RPH3A: variants seen among roughly 807,000 people sequenced by gnomAD.
RPH3A encodes rabphilin 3A.
Under a neutral mutation model 102.2 loss-of-function variants are expected in RPH3A, and 48 were observed. That is an observed-to-expected ratio of 0.47 (90% CI 0.37 to 0.60). RPH3A has a LOEUF of 0.60. Among genes scored for constraint, RPH3A ranks in the 20% least tolerant of loss-of-function variants. RPH3A has a pLI of 0.00. For missense variants in RPH3A, 781 were observed against 910.1 expected (o/e 0.86, Z 1.83); for synonymous variants, 310 against 324.3 (o/e 0.96, Z 0.47).
intron 1 of RPH3A, among the ~76,000 whole-genome samples, chr12:112,635,771 C>T (rs1486512315): frequency 6.6e-6 from 1 of 152,022 alleles, no homozygotes; most frequent in East Asian, 1.9e-4. Flanking sequence ...AAAGTAAGGC[C>T]CATGAGGGAA....
Position 112,891,233 on chromosome 12 carries a change from C to G in RPH3A, c.1775+230C>G, listed in dbSNP as rs1759174442. The G allele has an allele frequency of 1.3e-5, 7 of 559,414 alleles. No homozygotes were observed. In the South Asian group the frequency reaches 1.5e-4, roughly 12 times the overall value. 34.7% of individuals were successfully genotyped at this position (559,414 alleles called of 1,614,324 possible). A position where few individuals can be genotyped will look rare whatever the true frequency, so the allele number is the denominator to read the frequency against. On this transcript the variant is annotated intron_variant, in intron 19 of 21. Transcript: ENST00000389385. ...TGCCCACAGGCAAAGCTCTGTGGCT[C>G]TGTCCTCTTGAGGGCCTGCTGATGG...
At chr12:112,639,678 A>T (rs771308266) in intron 1 of RPH3A, among the ~76,000 whole-genome samples, 2 of 152,158 alleles carry the variant, frequency 1.3e-5, no homozygotes, top group Admixed American at 6.5e-5. Flanking sequence ...CCCCACAAAG[A>T]TGCAGATATT....
intron 1 of RPH3A, among the ~76,000 whole-genome samples, chr12:112,744,672 G>A (rs1007668122): frequency 1.3e-5 from 2 of 152,086 alleles, no homozygotes; most frequent in Non-Finnish European, 2.9e-5. Flanking sequence ...GGCACTATTA[G>A]CCCCATTCTA....
chr12:112,678,295 A>AGAGAGAGAGAGAGAGAGAGAGAG, intron 1 of RPH3A, among the ~76,000 whole-genome samples: 1 of 34,840 alleles, frequency 2.9e-5, no homozygotes, highest in African/African-American at 1.2e-4. Flanking sequence ...GAAAGAAAGA[A>AGAGAGAGAGAGAGAGAGAGAGAG]AGAAAGAAAG....
At chr12:112,756,829 A>C (rs2040826202) in intron 1 of RPH3A, among the ~76,000 whole-genome samples, 1 of 152,242 alleles carries the variant, frequency 6.6e-6, no homozygotes, top group Admixed American at 6.5e-5. Context: ...GTCAAATTAC[A>C]CTGCATAGGA....
At chr12:112,654,338 A>G (rs1825927363) in intron 1 of RPH3A, among the ~76,000 whole-genome samples, 2 of 152,112 alleles carry the variant, frequency 1.3e-5, no homozygotes, top group African/African-American at 4.8e-5. Flanking sequence ...AGCATCTACT[A>G]AACCTGTCCC....
intron 1 of RPH3A, among the ~76,000 whole-genome samples, chr12:112,621,101 C>G (rs2039719555): frequency 6.6e-6 from 1 of 151,800 alleles, no homozygotes; most frequent in Non-Finnish European, 1.5e-5. Flanking sequence ...CCTTGGCCTC[C>G]AAAAGCCTTG....
intron 1 of RPH3A, among the ~76,000 whole-genome samples, chr12:112,663,190 C>T (rs1025010366): frequency 6.6e-6 from 1 of 151,512 alleles, no homozygotes; most frequent in Non-Finnish European, 1.5e-5. Flanking sequence ...TTAGATTCTC[C>T]AATAATGTGA....
At chr12:112,836,374 T>C (rs1035788549) in intron 3 of RPH3A, 117 bp from the exon 4 acceptor site, 1 of 479,586 alleles carries the variant, frequency 2.1e-6, no homozygotes. Flanking sequence ...AAAATGGAAG[T>C]AGGTCATCAT....
rs147086672 is a variant in RPH3A, at chr12:112,797,915, C to T, written c.-19+5652C>T. 1.6e-4 allele frequency among the ~76,000 whole-genome samples: 24 copies of T among 152,240 alleles called. No homozygotes were observed. The East Asian group carries it at 4.4e-3, about 28-fold the overall frequency. ...TGTTGCTCAGGCTGGTCTCAAACTC[C>T]TGGGCTCAAGCTATCCTCCTGCCTC... On this transcript the variant is annotated intron_variant, in intron 2 of 21. Transcript: ENST00000389385.
chr12:112,736,824 T>C (rs1473720758), intron 1 of RPH3A, among the ~76,000 whole-genome samples: 2 of 152,130 alleles, frequency 1.3e-5, no homozygotes. Flanking sequence ...GGAATCTCTC[T>C]TGAGGCTCAA....
chr12:112,830,214 C>T (rs1198145528), intron 3 of RPH3A, among the ~76,000 whole-genome samples: 1 of 152,084 alleles, frequency 6.6e-6, no homozygotes, highest in Non-Finnish European at 1.5e-5. Flanking sequence ...CCACAAGCTT[C>T]AACATATAGT....
At chr12:112,868,210 C>G in intron 7 of RPH3A, 1 of 498,474 alleles carries the variant, frequency 2.0e-6, no homozygotes, top group East Asian at 3.0e-5. Flanking sequence ...CCAAACTCCA[C>G]TTTCTTCATG....
chr12:112,783,282 G>A (rs2041021326), intron 1 of RPH3A, among the ~76,000 whole-genome samples: 4 of 152,080 alleles, frequency 2.6e-5, no homozygotes, highest in Admixed American at 2.6e-4. Context: ...AGGTGCCCAG[G>A]GCATTGAGAG....
chr12:112,880,114 C>G (rs145320098), intron 14 of RPH3A, among the ~76,000 whole-genome samples: 20 of 152,314 alleles, frequency 1.3e-4, no homozygotes, highest in African/African-American at 4.3e-4. Context: ...TAACACAACT[C>G]TTAGACCAAC....
Position 112,841,173 on chromosome 12 carries a change from TAAAAA to T in RPH3A, c.83+4688_83+4692del, listed in dbSNP as rs11447068. Among the ~76,000 whole-genome samples the T allele has an allele frequency of 1.1e-3, 37 of 33,360 alleles. 1 individual carries two copies. In the East Asian group the frequency reaches 0.014, roughly 12 times the overall value. The allele number at this position is 33,360 out of a possible 152,430, so 21.9% of individuals were successfully genotyped here. On this transcript the variant is annotated intron_variant, in intron 4 of 21. Transcript: ENST00000389385. ...GGCAACATAACAAGACCTTGTTTCTTAAAAAAAAAAAAAAAAAAAAAGCCTCGTTG... is the reference window on the plus strand; with the variant it reads ...GGCAACATAACAAGACCTTGTTTCTTAAAAAAAAAAAAAAAAGCCTCGTTG...
chr12:112,658,712 C>G (rs1470247512), intron 1 of RPH3A, among the ~76,000 whole-genome samples: 1 of 152,150 alleles, frequency 6.6e-6, no homozygotes, highest in East Asian at 1.9e-4. Flanking sequence ...GCTTGTTTGT[C>G]TGTAAAATGC....
chr12:112,738,461 A>G (rs1026465765), intron 1 of RPH3A, among the ~76,000 whole-genome samples: 1 of 152,170 alleles, frequency 6.6e-6, no homozygotes, highest in Non-Finnish European at 1.5e-5. Context: ...ATAAGGTCAC[A>G]TTCTGAAATT....
intron 1 of RPH3A, among the ~76,000 whole-genome samples, chr12:112,659,994 A>G (rs1313605814): frequency 6.6e-6 from 1 of 152,212 alleles, no homozygotes; most frequent in Non-Finnish European, 1.5e-5. Flanking sequence ...GGATCTGGGT[A>G]TGAGGTGTGC....
Sources: gnomAD v4.1 joint callset for allele counts (sites outside exome capture counted in the v4.1 genomes callset) on GRCh38, gnomAD v4.1.1 for gene constraint, MANE v1.5 for transcripts, NCBI Gene and HGNC (gene_info 2026-07-23, HGNC 2026-07-21) for gene names.